Variants in SCN11A observed in about 807,000 individuals in gnomAD.
SCN11A encodes the protein sodium voltage-gated channel alpha subunit 11.
SCN11A carries 122 observed loss-of-function variants against 162.2 expected under a neutral mutation model. The ratio of observed to expected loss-of-function variants is 0.75; its 90% CI spans 0.65 to 0.87. The LOEUF (loss-of-function observed/expected upper bound fraction) is 0.87. SCN11A is among the 40% of genes least tolerant of loss of function. The pLI is 0.00. For synonymous variants in SCN11A, 758 were observed against 751.5 expected (o/e 1.01, Z -0.14); for missense variants, 2,015 against 2,181.6 (o/e 0.92, Z 1.52).
intron 2 of SCN11A, among the ~76,000 whole-genome samples, chr3:39,000,866 G>C (rs1465729641): frequency 1.6e-4 from 24 of 152,052 alleles, no homozygotes; most frequent in Non-Finnish European, 5.9e-5. Context: ...GCGAAACCTT[G>C]TCTCTACTGA....
At chr3:39,000,008 CCTCAGGCTTGGCT>C (rs756186479) in intron 2 of SCN11A, among the ~76,000 whole-genome samples, 3 of 152,194 alleles carry the variant, frequency 2.0e-5, no homozygotes, top group Non-Finnish European at 4.4e-5. Context: ...ACCAATACCC[CCTCAGGCTTGGCT>C]CTCAGCTCCT....
intron 11 of SCN11A, among the ~76,000 whole-genome samples, chr3:38,915,997 C>T (rs2065955581): frequency 6.6e-6 from 1 of 152,170 alleles, no homozygotes; most frequent in Non-Finnish European, 1.5e-5. Flanking sequence ...GTCTTGGGCG[C>T]ATATACCTTT....
chr3:39,043,483 C>CAAA (rs34032181), intron 1 of SCN11A, among the ~76,000 whole-genome samples: 30 of 105,296 alleles, frequency 2.8e-4, no homozygotes, highest in African/African-American at 8.3e-4. Context: ...ACTATACAGC[C>CAAA]AAAAAAAAAA....
intron 1 of SCN11A, among the ~76,000 whole-genome samples, chr3:39,046,948 T>C (rs1424795296): frequency 6.6e-6 from 1 of 151,292 alleles, no homozygotes; most frequent in African/African-American, 2.4e-5. Flanking sequence ...CTTGAATTCC[T>C]GGGCTCAAGC....
In SCN11A at chr3:38,894,649, G is replaced by A; in HGVS notation, c.2719C>T (p.Leu907=). Residue 907 remains leucine (L), a synonymous_variant, in exon 19 of 30, where the codon CTG becomes TTG. Transcript: ENST00000302328. ...LGILTSVPKT[L]GVRHDWTWLA... The stretch of plus-strand genomic sequence containing the variant: ...CAAGTCCAATCATGCCTGACGCCCA[G>A]GGTCTTTGGTACAGAGGTTAGTATA... 1 of 1,614,112 alleles carries A rather than the reference G, an allele frequency of 6.2e-7. No individual in the cohort carries two copies. The highest frequency in any genetic ancestry group is 8.5e-7 in the Non-Finnish European group (1 of 1,179,982).
intron 18 of SCN11A, among the ~76,000 whole-genome samples, chr3:38,896,088 CAAG>C (rs1293318941): frequency 6.6e-6 from 1 of 152,148 alleles, no homozygotes; most frequent in Non-Finnish European, 1.5e-5. Flanking sequence ...TGTAGCATAA[CAAG>C]AAGTTCGAAA....
At position 39,023,101 on chromosome 3, in the gene SCN11A, C is replaced by A. The variant is rs536103577; in HGVS notation, c.-280+9279G>T. On this transcript the variant is annotated intron_variant, in intron 2 of 29. Coordinates refer to ENST00000302328, the MANE Select transcript of SCN11A (RefSeq NM_001349253.2). ...AAGGAGTCCTTACATTTTAGAGATA[C>A]TGACTGGAAGAAATGTTTATAGATC... Among the ~76,000 whole-genome samples, 7 of 152,170 alleles carry A rather than the reference C, an allele frequency of 4.6e-5. No homozygotes were observed. The South Asian group carries it at 1.5e-3, about 32-fold the overall frequency.
intron 1 of SCN11A, among the ~76,000 whole-genome samples, chr3:39,040,440 C>T (rs940635332): frequency 1.3e-5 from 2 of 152,146 alleles, no homozygotes; most frequent in African/African-American, 4.8e-5. Context: ...ACCAGATGCA[C>T]AGAAATCAAC....
intron 2 of SCN11A, among the ~76,000 whole-genome samples, chr3:39,019,241 T>C (rs2031380183): frequency 6.6e-6 from 1 of 152,146 alleles, no homozygotes. Flanking sequence ...TTTTTGCATG[T>C]CCGATAATGG....
At chr3:38,948,945 G>A (rs1047072843) in intron 5 of SCN11A, among the ~76,000 whole-genome samples, 1 of 152,152 alleles carries the variant, frequency 6.6e-6, no homozygotes, top group Admixed American at 6.5e-5. Context: ...GAGTGTTTTT[G>A]CTCCTTCAAT....
chr3:39,020,671 C>G (rs2031427755), intron 2 of SCN11A, among the ~76,000 whole-genome samples: 1 of 152,090 alleles, frequency 6.6e-6, no homozygotes, highest in South Asian at 2.1e-4. Flanking sequence ...TTTTATGCAC[C>G]CTGGATGGGC....
At chr3:38,870,451 T>G (rs2065106851) in intron 26 of SCN11A, among the ~76,000 whole-genome samples, 2 of 152,212 alleles carry the variant, frequency 1.3e-5, no homozygotes, top group Admixed American at 6.5e-5. Flanking sequence ...GGTTTTTCCT[T>G]GGCCACCATG....
Position 38,847,104 on chromosome 3 carries a change from G to T in SCN11A, c.4966C>A (p.Pro1656Thr), listed in dbSNP as rs757777457. Residue 1656 changes from proline (P) to threonine (T), a missense_variant, in exon 30 of 30, where the codon CCT becomes ACT. Coordinates refer to ENST00000302328, the MANE Select transcript of SCN11A (RefSeq NM_001349253.2). Reference protein sequence around the residue: ...LSDFADALPEPLRVAKPNKYQ... With the variant: ...LSDFADALPETLRVAKPNKYQ... ...TTATTTGGCTTTGCGACACGCAAAGGCTCAGGCAAGGCATCAGCAAAGTCA... is the reference window on the plus strand; with the variant it reads ...TTATTTGGCTTTGCGACACGCAAAGTCTCAGGCAAGGCATCAGCAAAGTCA... The T allele has an allele frequency of 2.5e-6, 4 of 1,614,004 alleles. No homozygotes were observed. The highest frequency in any genetic ancestry group is 3.3e-5 in the Admixed American group (2 of 59,998).
intron 1 of SCN11A, among the ~76,000 whole-genome samples, chr3:39,048,706 T>C (rs1175471644): frequency 6.6e-6 from 1 of 152,190 alleles, no homozygotes; most frequent in African/African-American, 2.4e-5. Context: ...AGTAACTAAG[T>C]TCTAATGAAT....
At chr3:38,995,416 G>A (rs1029545980) in intron 2 of SCN11A, among the ~76,000 whole-genome samples, 2 of 152,124 alleles carry the variant, frequency 1.3e-5, no homozygotes, top group Non-Finnish European at 2.9e-5. Context: ...CATGGCACCC[G>A]GCCAATTTAA....
chr3:38,981,537 T>TTGTATG (rs1553647542), intron 2 of SCN11A, among the ~76,000 whole-genome samples: 1 of 145,868 alleles, frequency 6.9e-6, no homozygotes, highest in African/African-American at 2.5e-5. Flanking sequence ...GTGTGTGTGT[T>TTGTATG]TGTGTGTGTG....
intron 21 of SCN11A, among the ~76,000 whole-genome samples, chr3:38,884,232 T>G (rs1182447169): frequency 6.6e-6 from 1 of 152,146 alleles, no homozygotes; most frequent in Non-Finnish European, 1.5e-5. Context: ...TTCCTGGCTT[T>G]TATCCCACTC....
chr3:38,895,322 C>G (rs1018900394), intron 18 of SCN11A, among the ~76,000 whole-genome samples: 3 of 152,136 alleles, frequency 2.0e-5, no homozygotes, highest in African/African-American at 7.2e-5. Flanking sequence ...TTGATTTTTG[C>G]TGGAATTTCC....
intron 19 of SCN11A, among the ~76,000 whole-genome samples, chr3:38,893,614 T>C (rs2065537002): frequency 6.6e-6 from 1 of 152,118 alleles, no homozygotes; most frequent in Admixed American, 6.6e-5. Context: ...CAATACACTA[T>C]GCCACAAAAC....
Sources: allele counts gnomAD v4.1 joint callset (sites outside exome capture counted in the v4.1 genomes callset), GRCh38; gene constraint gnomAD v4.1.1; transcripts MANE v1.5; gene names NCBI Gene and HGNC (gene_info 2026-07-23, HGNC 2026-07-21).